ZNF615: variants seen among roughly 807,000 people sequenced by gnomAD.
ZNF615 encodes the protein zinc finger protein 615.
Under a neutral mutation model 15.3 loss-of-function variants are expected in ZNF615, and 15 were observed. The observed-to-expected ratio is 0.98, with a 90% CI of 0.66 to 1.51. The LOEUF (loss-of-function observed/expected upper bound fraction) is 1.51. ZNF615 is among the 40% of genes most tolerant of loss of function. The pLI is 0.00. For missense variants in ZNF615, 848 were observed against 895.9 expected, an observed-to-expected ratio of 0.95 and a Z score of 0.68; for synonymous variants, 268 against 294.6, an observed-to-expected ratio of 0.91 and a Z score of 0.92.
chr19:51,993,318 A>T lies in ZNF615; in HGVS notation c.1791T>A (p.His597Gln). The T allele has an allele frequency of 6.2e-7, 1 of 1,614,090 alleles. No homozygotes were observed. Among genetic ancestry groups the T allele is most frequent in the Non-Finnish European group, 8.5e-7 (1 of 1,180,012 alleles). ...GLTGKSMLIA[H>Q]QRTHTGEKPY... is the part of the protein sequence containing the mutation. ...GTTTCTCCCCAGTATGAGTTCGCTG[A>T]TGTGCAATGAGCATGCTTTTCCCAG... is the stretch of plus-strand genomic sequence containing the variant. The change falls in exon 7 of 7, where the codon CAT (histidine) becomes CAA (glutamine). Residue 597 changes from histidine to glutamine, a missense_variant. Transcript: ENST00000598071.
intron 6 of ZNF615, among the ~76,000 whole-genome samples, chr19:51,995,167 G>T (rs2086382248): frequency 6.6e-6 from 1 of 152,152 alleles, no homozygotes; most frequent in African/African-American, 2.4e-5. Flanking sequence ...TACACATTGG[G>T]AGAGATGTGT....
chr19:51,996,385 C>CAAAAAAA lies in ZNF615; in HGVS notation c.272-1555_272-1549dup, dbSNP rs1172310589. ...GGGGTGACACAGCAAGACTCTGTCT[C>CAAAAAAA]AAAAAAAAAAAAAAAAAAAAAAACG... is the stretch of plus-strand genomic sequence containing the variant. On this transcript the variant is annotated intron_variant, in intron 6 of 6. Coordinates refer to ENST00000598071, the MANE Select transcript of ZNF615 (RefSeq NM_001199324.2). 2.1e-3 allele frequency among the ~76,000 whole-genome samples: 69 copies of CAAAAAAA among 33,204 alleles called. 2 individuals carry two copies. The highest frequency in any genetic ancestry group is 3.8e-3 in the African/African-American group (32 of 8,326). 21.8% of individuals were successfully genotyped at this position (33,204 alleles called of 152,430 possible). A position where few individuals can be genotyped will look rare whatever the true frequency, so the allele number is the denominator to read the frequency against.
chr19:51,997,336 T>C (rs2086468729), intron 6 of ZNF615, among the ~76,000 whole-genome samples: 1 of 152,146 alleles, frequency 6.6e-6, no homozygotes, highest in African/African-American at 2.4e-5. Context: ...AACAGAAGAA[T>C]GTGAGATCCT....
In ZNF615 at chr19:51,994,266, G is replaced by T; in HGVS notation, c.843C>A (p.Leu281=). The T allele has an allele frequency of 1.2e-6, 2 of 1,614,112 alleles. No homozygotes were observed. The highest frequency in any genetic ancestry group is 1.7e-6 in the Non-Finnish European group (2 of 1,180,020). Residue 281 remains leucine (L), a synonymous_variant, in exon 7 of 7, where the codon CTC becomes CTA. Transcript: ENST00000598071. ...GATGTATATTGAGCTGTGATTTCTT[G>T]AGGAAGGTTTTGTCACATTCAGTGC... ...YECTECDKTF[L]KKSQLNIHQK... is the part of the protein sequence containing the mutation.
rs562983643 is a variant in ZNF615 at position 52,008,177 on chromosome 19, G to C, written c.-264C>G. 173 of 1,535,294 alleles carry C rather than the reference G, an allele frequency of 1.1e-4. No individual in the cohort carries two copies. Among genetic ancestry groups the C allele is most frequent in the Non-Finnish European group, 1.3e-4 (149 of 1,146,742 alleles). On this transcript the variant is annotated 5_prime_UTR_variant, in exon 1 of 7. Transcript: ENST00000598071. ...TGGTGGGCTCCGGCCTCATCTCTCG[G>C]CCTCCTCAGTGCCTGACGGCGACTA...
At position 52,001,876 on chromosome 19, in the gene ZNF615, T is replaced by C; in HGVS notation, c.175A>G (p.Lys59Glu). ...YQASKPDALS[K>E]LERGEETCTT... ...CAAGTTTCTTCTCCTCGTTCCAATT[T>C]GGAGAGTGCATCTGGTTTGCTGGCT... is the stretch of plus-strand genomic sequence containing the variant. Residue 59 changes from lysine (K) to glutamate (E), a missense_variant, in exon 5 of 7, where the codon AAA (lysine) becomes GAA (glutamate). Coordinates refer to ENST00000598071, the MANE Select transcript of ZNF615 (RefSeq NM_001199324.2). 2 of 1,614,142 alleles carry C rather than the reference T, an allele frequency of 1.2e-6. No individual in the cohort carries two copies. Among genetic ancestry groups the C allele is most frequent in the Middle Eastern group, 1.6e-4 (1 of 6,062 alleles).
intron 2 of ZNF615, 29 bp from the exon 3 acceptor site, chr19:52,003,929 A>G: frequency 1.5e-6 from 2 of 1,323,492 alleles, no homozygotes; most frequent in Non-Finnish European, 1.9e-6. Flanking sequence ...TGAGTGGTAC[A>G]TTCTTTTTAG....
chr19:52,005,909 G>C (rs2086739530), intron 2 of ZNF615, among the ~76,000 whole-genome samples: 1 of 152,118 alleles, frequency 6.6e-6, no homozygotes, highest in Non-Finnish European at 1.5e-5. Flanking sequence ...CAGGTGGCTG[G>C]ATACAAAATT....
intron 3 of ZNF615, 43 bp from the exon 4 acceptor site, chr19:52,002,324 G>A (rs200332866): frequency 1.9e-6 from 3 of 1,612,538 alleles, no homozygotes; most frequent in East Asian, 4.5e-5. Context: ...TATTCTTTTG[G>A]TGATAGGAAA....
rs973948534 is a variant in ZNF615, at chr19:52,008,084, C to G, written c.-228+57G>C. The G allele has an allele frequency of 8.0e-6, 12 of 1,497,324 alleles. No homozygotes were observed. The African/African-American group carries it at 1.7e-4, about 21-fold the overall frequency. 92.8% of individuals were successfully genotyped at this position (1,497,324 alleles called of 1,614,324 possible). On this transcript the variant is annotated intron_variant, in intron 1 of 6. Transcript: ENST00000598071. ...CACCACTGTCCACGAACACGCCCAG[C>G]CACGGACAGAATTTCCTCCCCCGTC... is the stretch of plus-strand genomic sequence containing the variant.
Position 51,993,134 on chromosome 19 carries a change from C to G in ZNF615, c.1975G>C (p.Gly659Arg), listed in dbSNP as rs1323917914. 6.2e-7 allele frequency: 1 copy of G among 1,614,184 alleles called. No individual in the cohort carries two copies. Among genetic ancestry groups the G allele is most frequent in the African/African-American group, 1.3e-5 (1 of 75,034 alleles). The change falls in exon 7 of 7, where the codon GGA becomes CGA. Residue 659 changes from glycine to arginine, a missense_variant. Transcript: ENST00000598071. The part of the protein sequence containing the change: ...CLIQHQRFHT[G>R]KTSFACTECG... Reference sequence around the variant, plus strand: ...TCAGTACATGCAAAGGAAGTCTTTCCTGTGTGAAATCGCTGATGTTGTATG... The same window carrying G: ...TCAGTACATGCAAAGGAAGTCTTTCGTGTGTGAAATCGCTGATGTTGTATG...
At position 51,993,681 on chromosome 19, in the gene ZNF615, G is replaced by A; in HGVS notation, c.1428C>T (p.Phe476=). 1 of 1,613,814 alleles carries A rather than the reference G, an allele frequency of 6.2e-7. No individual in the cohort carries two copies. The highest frequency in any genetic ancestry group is 1.1e-5 in the South Asian group (1 of 91,060). Residue 476 remains phenylalanine (F), a synonymous_variant, in exon 7 of 7, where the codon TTC becomes TTT. Coordinates refer to ENST00000598071, the MANE Select transcript of ZNF615 (RefSeq NM_001199324.2). ...PYVCTECRKG[F]TMKSDLIVHQ... is the part of the protein sequence containing the mutation. The stretch of plus-strand genomic sequence containing the variant: ...GTACAATGAGGTCACTCTTCATGGT[G>A]AAACCTTTTCGACATTCGGTGCATA...
intron 2 of ZNF615, among the ~76,000 whole-genome samples, chr19:52,005,233 T>C (rs2086718343): frequency 1.3e-5 from 2 of 151,982 alleles, no homozygotes; most frequent in South Asian, 4.2e-4. Context: ...CACTCCAGCC[T>C]GGGTGACAGA....
At chr19:52,002,124 C>G in intron 4 of ZNF615, 31 bp downstream of exon 4, 1 of 1,614,138 alleles carries the variant, frequency 6.2e-7, no homozygotes, top group African/African-American at 1.3e-5. Context: ...GACTGGGCAC[C>G]CTCTGAGTGA....
chr19:52,003,793 A>G lies in ZNF615; in HGVS notation c.-82T>C. On this transcript the variant is annotated 5_prime_UTR_variant, in exon 3 of 7. Transcript: ENST00000598071. ...TGAATCAGCTCTAAATTTCGGTTCA[A>G]AAACTTCAATCTCCAATCAAGGATG... 6.3e-7 allele frequency: 1 copy of G among 1,587,702 alleles called. No individual in the cohort carries two copies. The highest frequency in any genetic ancestry group is 8.6e-7 in the Non-Finnish European group (1 of 1,169,294).
chr19:52,007,605 T>C (rs1246709155), intron 1 of ZNF615, among the ~76,000 whole-genome samples: 6 of 152,166 alleles, frequency 3.9e-5, no homozygotes, highest in Non-Finnish European at 5.9e-5. Context: ...TCACCTGCCA[T>C]GGTTCCCAGG....
intron 6 of ZNF615, among the ~76,000 whole-genome samples, chr19:51,997,619 C>T (rs1444240203): frequency 2.6e-5 from 4 of 152,202 alleles, no homozygotes; most frequent in African/African-American, 9.7e-5. Context: ...AGAAAGAACT[C>T]GTCTTAACTG....
chr19:51,994,485 A>G lies in ZNF615; in HGVS notation c.624T>C (p.Thr208=). Residue 208 remains threonine (T), a synonymous_variant, in exon 7 of 7, where the codon ACT becomes ACC. Coordinates refer to ENST00000598071, the MANE Select transcript of ZNF615 (RefSeq NM_001199324.2). ...ATACATGGGCATTCTCTATGTTGTG[A>G]GTTCTCTGTTGCTTAATGAACTGGG... ...NKSQFIKQQR[T]HNIENAHVCS... is the part of the protein sequence containing the mutation. The G allele has an allele frequency of 6.2e-7, 1 of 1,614,102 alleles. No homozygotes were observed. The highest frequency in any genetic ancestry group is 8.5e-7 in the Non-Finnish European group (1 of 1,180,016).
rs1372428242 is a variant in ZNF615 at position 52,003,677 on chromosome 19, T to C, written c.15+20A>G. ...ATACATTGGAGAATAAAGGAAAGAA[T>C]AAAACAAACCAAAAGTCACCTGGGC... is the stretch of plus-strand genomic sequence containing the variant. On this transcript the variant is annotated intron_variant, in intron 3 of 6. Transcript: ENST00000598071. 1 of 1,608,478 alleles carries C rather than the reference T, an allele frequency of 6.2e-7. No individual in the cohort carries two copies.
Sources: gnomAD v4.1 joint callset for allele counts (sites outside exome capture counted in the v4.1 genomes callset) on GRCh38, gnomAD v4.1.1 for gene constraint, MANE v1.5 for transcripts, NCBI Gene and HGNC (gene_info 2026-07-23, HGNC 2026-07-21) for gene names.